The following KIF5B variants were observed in gnomAD, a reference collection of about 807,000 sequenced individuals.
The protein encoded by KIF5B is kinesin-1 heavy chain.
In KIF5B, 49 loss-of-function variants were observed where a neutral mutation model predicts 132.8. The observed-to-expected ratio is 0.37, with a 90% CI of 0.29 to 0.47. The LOEUF is 0.47. Ranked by LOEUF, KIF5B falls within the 20% of genes least tolerant of loss-of-function variation. The probability of loss-of-function intolerance (pLI) is 1.00; values close to 1 mark genes in which losing one functional copy is unlikely to be tolerated. For missense variants in KIF5B, 780 were observed against 1,144.0 expected (o/e 0.68, Z 4.59); for synonymous variants, 355 against 369.4 (o/e 0.96, Z 0.45).
Position 32,048,349 on chromosome 10 carries a change from C to T in KIF5B, c.214+115G>A, listed in dbSNP as rs112316310. The T allele has an allele frequency of 3.2e-3, 2,054 of 646,506 alleles. 27 individuals are homozygous for T. In the African/African-American group the frequency reaches 0.032, roughly 10 times the overall value. 40.0% of individuals were successfully genotyped at this position (646,506 alleles called of 1,614,324 possible). A position where few individuals can be genotyped will look rare whatever the true frequency, so the allele number is the denominator to read the frequency against. On this transcript the variant is annotated intron_variant, in intron 2 of 25. Transcript: ENST00000302418. The stretch of plus-strand genomic sequence containing the variant: ...TTATTATTTAAACAACTTTCTTCTG[C>T]AATTAACTTAGAAGAAAGGGGCATT...
chr10:32,022,401 TAAAG>T (rs1841276413), intron 16 of KIF5B, 144 bp from the exon 17 acceptor site: 1 of 574,280 alleles, frequency 1.7e-6, no homozygotes. Context: ...TTTGAAATGT[TAAAG>T]AATGTAATCA....
intron 2 of KIF5B, among the ~76,000 whole-genome samples, chr10:32,041,117 G>T (rs934720849): frequency 3.4e-5 from 5 of 145,486 alleles, no homozygotes; most frequent in African/African-American, 1.3e-4. Flanking sequence ...CTGCACTCCA[G>T]CCTGGGTGAC....
At chr10:32,040,592 A>C in intron 2 of KIF5B, 135 bp from the exon 3 acceptor site, 1 of 609,484 alleles carries the variant, frequency 1.6e-6, no homozygotes, top group Non-Finnish European at 2.9e-6. Context: ...AAAATATCAG[A>C]TGTTTATTCC....
At position 32,017,350 on chromosome 10, in the gene KIF5B, C is replaced by CT; in HGVS notation, c.2553_2554insA (p.Asp852ArgfsTer2). On this transcript the variant is annotated frameshift_variant, in exon 24 of 26. Transcript: ENST00000302418. LOFTEE classifies it high-confidence loss of function. ...AGTTCACAGCGGAGATCTGCATTAT[C>CT]ACGTACCAACTAAACGTACACAAAG... 2 of 1,613,124 alleles carry CT rather than the reference C, an allele frequency of 1.2e-6. No individual in the cohort carries two copies. The highest frequency in any genetic ancestry group is 1.7e-6 in the Non-Finnish European group (2 of 1,179,250).
intron 2 of KIF5B, among the ~76,000 whole-genome samples, chr10:32,046,774 A>C (rs903527788): frequency 1.3e-5 from 2 of 152,068 alleles, no homozygotes; most frequent in Non-Finnish European, 2.9e-5. Context: ...TTACCTTTTC[A>C]TTACTAACTG....
At position 32,018,505 on chromosome 10, in the gene KIF5B, T is replaced by C. The variant is rs576867538; in HGVS notation, c.2364A>G (p.Thr788=). 20 of 1,612,666 alleles carry C rather than the reference T, an allele frequency of 1.2e-5. No individual in the cohort carries two copies. In the African/African-American group the frequency reaches 2.4e-4, roughly 19 times the overall value. The part of the protein sequence containing the change: ...ARQDLKGLEE[T]VAKELQTLHN... The stretch of plus-strand genomic sequence containing the variant: ...TTTATTTTCATGTTTTTCTTACCAC[T>C]GTCTCTTCCAAACCCTTCAAGTCTT... The change falls in exon 21 of 26, where the codon ACA becomes ACG. Residue 788 remains threonine (T), a synonymous_variant. Transcript: ENST00000302418.
intron 8 of KIF5B, 92 bp from the exon 9 acceptor site, chr10:32,036,086 G>A: frequency 2.7e-6 from 2 of 733,624 alleles, no homozygotes; most frequent in Non-Finnish European, 2.0e-6. Context: ...TCAATAACCA[G>A]TAAAAAAGAA....
intron 3 of KIF5B, 98 bp from the exon 4 acceptor site, chr10:32,039,529 GA>G (rs1355772533): frequency 3.2e-6 from 2 of 633,014 alleles, no homozygotes; most frequent in Non-Finnish European, 5.4e-6. Context: ...GAAAGGACAG[GA>G]ACTATATTTT....
At chr10:32,055,796 C>T in intron 1 of KIF5B, 52 bp downstream of exon 1, 2 of 1,599,024 alleles carry the variant, frequency 1.3e-6, no homozygotes, top group Non-Finnish European at 1.7e-6. Flanking sequence ...AAACTCCCCG[C>T]ACAGGCCGGC....
At chr10:32,018,213 C>T in intron 22 of KIF5B, 57 bp from the exon 23 acceptor site, 1 of 1,465,006 alleles carries the variant, frequency 6.8e-7, no homozygotes, top group Non-Finnish European at 9.3e-7. Flanking sequence ...CTTAACTATA[C>T]AAAAATTGAC....
Position 32,011,181 on chromosome 10 carries a change from C to T in KIF5B, c.*356G>A, listed in dbSNP as rs561217240. 1 of 152,430 alleles carries T rather than the reference C, an allele frequency of 6.6e-6. No homozygotes were observed. The highest frequency in any genetic ancestry group is 2.4e-5 in the African/African-American group (1 of 41,412). 9.4% of individuals were successfully genotyped at this position (152,430 alleles called of 1,614,324 possible). On this transcript the variant is annotated 3_prime_UTR_variant, in exon 26 of 26. Transcript: ENST00000302418. ...AAACTGAGATTAAAAAATAAACATA[C>T]ACAAAAAATACAAAAAGTACAGTCC... is the stretch of plus-strand genomic sequence containing the variant.
At chr10:32,024,346 G>A (rs1841307410) in intron 15 of KIF5B, among the ~76,000 whole-genome samples, 1 of 145,520 alleles carries the variant, frequency 6.9e-6, no homozygotes, top group African/African-American at 2.5e-5. Context: ...AGTAGAGACG[G>A]GGTTTCACCG....
chr10:32,045,255 C>G (rs566740575), intron 2 of KIF5B, among the ~76,000 whole-genome samples: 1 of 151,598 alleles, frequency 6.6e-6, no homozygotes, highest in African/African-American at 2.4e-5. Flanking sequence ...ACTTTAAGAC[C>G]AAAACAAAAT....
At chr10:32,038,247 A>G (rs1301927613) in intron 5 of KIF5B, 29 bp from the exon 6 acceptor site, 1 of 1,518,198 alleles carries the variant, frequency 6.6e-7, no homozygotes, top group East Asian at 2.3e-5. Flanking sequence ...TGTTAGCAAC[A>G]TTCTCCTAAA....
At position 32,056,241 on chromosome 10, in the gene KIF5B, G is replaced by C; in HGVS notation, c.-268C>G. 1 of 437,484 alleles carries C rather than the reference G, an allele frequency of 2.3e-6. No individual in the cohort carries two copies. 27.1% of individuals were successfully genotyped at this position (437,484 alleles called of 1,614,324 possible). ...GGCGGCACCGGGGAGAGCGTCCGCG[G>C]CTCCTCAGCGTCCCCCTTTACGGTC... On this transcript the variant is annotated 5_prime_UTR_variant, in exon 1 of 26. Coordinates refer to ENST00000302418, the MANE Select transcript of KIF5B (RefSeq NM_004521.3).
chr10:32,028,594 G>A (rs777458584), intron 14 of KIF5B, 23 bp from the exon 15 acceptor site: 8 of 1,594,514 alleles, frequency 5.0e-6, no homozygotes, highest in Non-Finnish European at 6.8e-6. Context: ...AAAACAAAAA[G>A]TATAGTTAAA....
chr10:32,018,249 A>C, intron 22 of KIF5B, 67 bp downstream of exon 22: 2 of 1,449,882 alleles, frequency 1.4e-6, no homozygotes, highest in South Asian at 2.8e-5. Context: ...TTTCACTTTG[A>C]ATACAAATAA....
intron 6 of KIF5B, among the ~76,000 whole-genome samples, 198 bp from the exon 7 acceptor site, chr10:32,037,805 C>G (rs1033846239): frequency 2.4e-4 from 36 of 151,932 alleles, no homozygotes; most frequent in Admixed American, 2.3e-3. Context: ...GCACTCCAGC[C>G]TGAGCAACAG....
Position 32,053,841 on chromosome 10 carries a change from T to C in KIF5B, c.126+2007A>G, listed in dbSNP as rs182596356. ...ATTACGGATTCACAAACCAACAATG[T>C]ATCCATTATTCCTAATATTACCATT... On this transcript the variant is annotated intron_variant, in intron 1 of 25. Coordinates refer to ENST00000302418, the MANE Select transcript of KIF5B (RefSeq NM_004521.3). 7.5e-4 allele frequency among the ~76,000 whole-genome samples: 115 copies of C among 152,332 alleles called. 1 individual carries two copies. The highest frequency in any genetic ancestry group is 2.6e-3 in the African/African-American group (110 of 41,582).
Sources: allele counts gnomAD v4.1 joint callset (sites outside exome capture counted in the v4.1 genomes callset), GRCh38; gene constraint gnomAD v4.1.1; transcripts MANE v1.5; gene names NCBI Gene and HGNC (gene_info 2026-07-23, HGNC 2026-07-21).